Variants in PKD1L3 observed in about 807,000 individuals in gnomAD.
The protein encoded by PKD1L3 is polycystin-1-like protein 3.
Under a neutral mutation model 184.1 loss-of-function variants are expected in PKD1L3, and 239 were observed. The observed-to-expected ratio is 1.30, with a 90% CI of 1.17 to 1.45. The LOEUF (loss-of-function observed/expected upper bound fraction) is 1.45, where lower values mean the gene tolerates loss of function less well. Ranked by LOEUF, PKD1L3 falls within the 40% of genes most tolerant of loss-of-function variation. PKD1L3 has a pLI of 0.00. For missense variants in PKD1L3, 2,660 were observed against 2,067.2 expected (o/e 1.29, Z -5.56); for synonymous variants, 996 against 778.8 (o/e 1.28, Z -4.64).
At chr16:71,971,044 T>G (rs2039691104) in intron 12 of PKD1L3, among the ~76,000 whole-genome samples, 1 of 152,166 alleles carries the variant, frequency 6.6e-6, no homozygotes, top group Non-Finnish European at 1.5e-5. Flanking sequence ...TGTCTCTAGT[T>G]CCTAGACTTG....
At chr16:71,968,184 G>C (rs2039573348) in intron 13 of PKD1L3, among the ~76,000 whole-genome samples, 177 bp from the exon 14 acceptor site, 1 of 152,140 alleles carries the variant, frequency 6.6e-6, no homozygotes, top group Non-Finnish European at 1.5e-5. Flanking sequence ...ACTAAAGTGG[G>C]GATGAGGCCT....
intron 24 of PKD1L3, 71 bp from the exon 25 acceptor site, chr16:71,937,490 T>C: frequency 2.7e-6 from 4 of 1,495,120 alleles, no homozygotes; most frequent in Non-Finnish European, 3.6e-6. Flanking sequence ...AACTTTGTCT[T>C]TGAATAACCC....
Position 71,929,632 on chromosome 16 carries a change from A to C in PKD1L3, c.5105T>G (p.Leu1702Trp). 1.3e-6 allele frequency: 2 copies of C among 1,551,828 alleles called. No homozygotes were observed. Among genetic ancestry groups the C allele is most frequent in the Non-Finnish European group, 1.7e-6 (2 of 1,146,898 alleles). ...TTTTTGGGGCCAACTGATTCCTAACAAATTTGAGAGCTTCTGTAGCAGTGT... is the reference window on the plus strand; with the variant it reads ...TTTTTGGGGCCAACTGATTCCTAACCAATTTGAGAGCTTCTGTAGCAGTGT... Reference protein sequence around the residue: ...IDTLLQKLSNLLGISWPQKTS... With the variant: ...IDTLLQKLSNWLGISWPQKTS... Residue 1702 changes from leucine (L) to tryptophan (W), a missense_variant, in exon 30 of 30, where the codon TTG becomes TGG. Physicochemically the swap from Leu to Trp is moderately conservative, Grantham distance 61. Transcript: ENST00000620267.
intron 3 of PKD1L3, chr16:71,991,439 T>C (rs2040586224): frequency 6.5e-6 from 1 of 153,590 alleles, no homozygotes; most frequent in Admixed American, 6.6e-5. Flanking sequence ...ATAAACGATA[T>C]CAAAGGATTT....
At chr16:71,993,670 A>T (rs980980602) in intron 2 of PKD1L3, among the ~76,000 whole-genome samples, 8 of 152,240 alleles carry the variant, frequency 5.3e-5, no homozygotes, top group Non-Finnish European at 1.2e-4. Context: ...TCACCAAAAA[A>T]GTTTGCAACC....
intron 13 of PKD1L3, among the ~76,000 whole-genome samples, chr16:71,969,312 CTT>C (rs911322258): frequency 9.9e-5 from 15 of 151,784 alleles, no homozygotes; most frequent in Non-Finnish European, 1.8e-4. Context: ...TAGGTCTTTT[CTT>C]TTCTTTTTCT....
chr16:71,983,998 T>C, intron 6 of PKD1L3, 38 bp downstream of exon 6: 2 of 1,546,886 alleles, frequency 1.3e-6, no homozygotes, highest in South Asian at 2.4e-5. Flanking sequence ...CTTTTCCCTC[T>C]CTCCTACCTT....
At chr16:71,931,463 CTTTTTTTTTTTTTT>C (rs11405919) in intron 28 of PKD1L3, among the ~76,000 whole-genome samples, 1 of 115,920 alleles carries the variant, frequency 8.6e-6, no homozygotes, top group South Asian at 3.2e-4. Flanking sequence ...TTCTCCCCCA[CTTTTTTTTTTTTTT>C]TTTTTTTTTG....
chr16:71,998,190 A>C, intron 2 of PKD1L3, 82 bp downstream of exon 2: 1 of 1,505,060 alleles, frequency 6.6e-7, no homozygotes, highest in Non-Finnish European at 9.0e-7. Flanking sequence ...AGACTATTTA[A>C]CCAATATTCT....
intron 26 of PKD1L3, 65 bp from the exon 27 acceptor site, chr16:71,934,190 C>A (rs559025537): frequency 6.9e-7 from 1 of 1,447,858 alleles, no homozygotes; most frequent in Non-Finnish European, 9.4e-7. Flanking sequence ...GTTTCCCCAG[C>A]GCCCCTGCTG....
At chr16:71,939,375 A>AC (rs984285387) in intron 24 of PKD1L3, among the ~76,000 whole-genome samples, 3 of 152,226 alleles carry the variant, frequency 2.0e-5, no homozygotes, top group African/African-American at 7.2e-5. Context: ...CAGAACGAGC[A>AC]CAGTGGCTGC....
intron 21 of PKD1L3, among the ~76,000 whole-genome samples, chr16:71,948,621 C>T (rs866452317): frequency 2.6e-5 from 4 of 152,080 alleles, no homozygotes; most frequent in Non-Finnish European, 2.9e-5. Flanking sequence ...TTTTCCTTAA[C>T]GAGCACTGGC....
rs569334180 is a variant in PKD1L3 at position 71,953,062 on chromosome 16, C to G, written c.2841G>C (p.Leu947=). 179 of 1,513,900 alleles carry G rather than the reference C, an allele frequency of 1.2e-4. No individual in the cohort carries two copies. The South Asian group carries it at 2.2e-3, about 19-fold the overall frequency. The allele number at this position is 1,513,900 out of a possible 1,614,324, so 93.8% of individuals were successfully genotyped here. A position where few individuals can be genotyped will look rare whatever the true frequency, so the allele number is the denominator to read the frequency against. The part of the protein sequence containing the change: ...MRPFAVAWSE[L]LVSIHTAVIL... ...TGACAGCAGTATGGATGCTGACCAGCAGTTCAGACCAGGCCACAGCAAATG... is the reference window on the plus strand; with the variant it reads ...TGACAGCAGTATGGATGCTGACCAGGAGTTCAGACCAGGCCACAGCAAATG... Residue 947 remains leucine (L), a synonymous_variant, in exon 18 of 30, where the codon CTG becomes CTC. Transcript: ENST00000620267.
chr16:71,949,422 G>A (rs1441642926), intron 21 of PKD1L3, among the ~76,000 whole-genome samples: 3 of 149,948 alleles, frequency 2.0e-5, no homozygotes, highest in Non-Finnish European at 3.0e-5. Flanking sequence ...GCGCAATCAC[G>A]GCTTACTGCA....
At chr16:71,933,343 CTGTTTTCATAAGGA>C in intron 28 of PKD1L3, 63 bp downstream of exon 28, 1 of 1,033,134 alleles carries the variant, frequency 9.7e-7, no homozygotes, top group Non-Finnish European at 1.5e-6. Flanking sequence ...CAGTAGGGGG[CTGTTTTCATAAGGA>C]CCCCCCCAAT....
chr16:71,976,200 T>TG (rs1410974370), intron 11 of PKD1L3, among the ~76,000 whole-genome samples: 2 of 150,638 alleles, frequency 1.3e-5, no homozygotes, highest in Non-Finnish European at 3.0e-5. Context: ...CACCTGCCTC[T>TG]GCCTCCCAAA....
intron 11 of PKD1L3, 75 bp from the exon 12 acceptor site, chr16:71,973,592 CTAT>C: frequency 7.8e-7 from 1 of 1,282,728 alleles, no homozygotes. Context: ...TCTAAAGGAT[CTAT>C]TATTAATATT....
chr16:71,933,348 T>A, intron 28 of PKD1L3, 72 bp downstream of exon 28: 1 of 1,188,880 alleles, frequency 8.4e-7, no homozygotes, highest in Admixed American at 2.0e-5. Context: ...GGGGGCTGTT[T>A]TCATAAGGAC....
chr16:71,978,402 C>A lies in PKD1L3; in HGVS notation c.1399-19G>T. 6.5e-7 allele frequency: 1 copy of A among 1,537,584 alleles called. No homozygotes were observed. Among genetic ancestry groups the A allele is most frequent in the Non-Finnish European group, 8.8e-7 (1 of 1,138,348 alleles). The stretch of plus-strand genomic sequence containing the variant: ...CTGTTATCTAAAGACAAAGAGAAGC[C>A]CAGTTTTATCCATTGCTGAAATATT... On this transcript the variant is annotated intron_variant, in intron 9 of 29. Transcript: ENST00000620267.
Sources: gnomAD v4.1 joint callset for allele counts (sites outside exome capture counted in the v4.1 genomes callset) on GRCh38, gnomAD v4.1.1 for gene constraint, MANE v1.5 for transcripts, NCBI Gene and HGNC (gene_info 2026-07-23, HGNC 2026-07-21) for gene names.